Variants in CSRNP3 observed in about 807,000 individuals in gnomAD.
The protein encoded by CSRNP3 is cysteine and serine rich nuclear protein 3.
In CSRNP3, 12 loss-of-function variants were observed where a neutral mutation model predicts 48.0. The observed-to-expected ratio is 0.25, with a 90% CI of 0.16 to 0.41. CSRNP3 has a LOEUF of 0.41. CSRNP3 is among the 10% of genes least tolerant of loss of function. The probability of loss-of-function intolerance (pLI) is 1.00; values close to 1 mark genes in which losing one functional copy is unlikely to be tolerated. For synonymous variants in CSRNP3, 263 were observed against 269.7 expected (o/e 0.98, Z 0.24); for missense variants, 580 against 724.4 (o/e 0.80, Z 2.29).
intron 2 of CSRNP3, among the ~76,000 whole-genome samples, chr2:165,508,279 C>T (rs1383864077): frequency 6.6e-6 from 1 of 151,908 alleles, no homozygotes; most frequent in Non-Finnish European, 1.5e-5. Context: ...AGTAACCCTG[C>T]AATTAATTTT....
In CSRNP3 at chr2:165,666,948, GAGAGAGGA is replaced by G. The variant is rs148025654; in HGVS notation, c.408+8931_408+8938del. On this transcript the variant is annotated intron_variant, in intron 5 of 6. Coordinates refer to ENST00000651982, the MANE Select transcript of CSRNP3 (RefSeq NM_001172173.2). ...GGAAAGAGAGAAGAAGAAAGAAAGAGAGAGAGGAAGGAAGGAAGGAAGGAAAGAGAGAG... is the reference window on the plus strand; with the variant it reads ...GGAAAGAGAGAAGAAGAAAGAAAGAGAGGAAGGAAGGAAGGAAAGAGAGAG... Among the ~76,000 whole-genome samples the G allele has an allele frequency of 2.1e-3, 161 of 77,110 alleles. 5 individuals carry two copies. Among genetic ancestry groups the G allele is most frequent in the Non-Finnish European group, 3.5e-3 (100 of 28,680 alleles). The allele number at this position is 77,110 out of a possible 152,430, so 50.6% of individuals were successfully genotyped here.
intron 3 of CSRNP3, among the ~76,000 whole-genome samples, chr2:165,591,573 G>A (rs1685718042): frequency 6.6e-6 from 1 of 152,166 alleles, no homozygotes; most frequent in African/African-American, 2.4e-5. Flanking sequence ...GGTGGGCCCA[G>A]GGACCCCCTG....
chr2:165,628,145 C>T (rs1398887209), intron 4 of CSRNP3, among the ~76,000 whole-genome samples: 1 of 152,144 alleles, frequency 6.6e-6, no homozygotes, highest in Non-Finnish European at 1.5e-5. Flanking sequence ...CAAATCATAT[C>T]CAAACCTTAT....
At chr2:165,651,598 T>A (rs1294763905) in intron 4 of CSRNP3, among the ~76,000 whole-genome samples, 1 of 152,154 alleles carries the variant, frequency 6.6e-6, no homozygotes, top group African/African-American at 2.4e-5. Context: ...GCCTATATTC[T>A]TACCCTGGCA....
chr2:165,633,137 T>C (rs913438103), intron 4 of CSRNP3, among the ~76,000 whole-genome samples: 1 of 152,218 alleles, frequency 6.6e-6, no homozygotes, highest in African/African-American at 2.4e-5. Context: ...ATCTCAGTTG[T>C]TACCTGAAAA....
chr2:165,529,668 C>T (rs565085804), intron 3 of CSRNP3, among the ~76,000 whole-genome samples: 7 of 151,974 alleles, frequency 4.6e-5, no homozygotes, highest in East Asian at 3.9e-4. Flanking sequence ...TTTTTCAAAC[C>T]GGCGTGGATG....
chr2:165,597,795 T>A (rs1459148785), intron 4 of CSRNP3, among the ~76,000 whole-genome samples: 1 of 152,130 alleles, frequency 6.6e-6, no homozygotes, highest in Non-Finnish European at 1.5e-5. Flanking sequence ...AATTAACAAA[T>A]GTTTTAAAGC....
chr2:165,599,319 AAGAAAG>A (rs1332496867), intron 4 of CSRNP3, among the ~76,000 whole-genome samples: 1 of 150,420 alleles, frequency 6.6e-6, no homozygotes, highest in African/African-American at 2.4e-5. Flanking sequence ...GAAAGAAAGA[AAGAAAG>A]AAAGGAAAAG....
chr2:165,672,543 A>G (rs1393407565), intron 5 of CSRNP3, among the ~76,000 whole-genome samples: 1 of 152,160 alleles, frequency 6.6e-6, no homozygotes, highest in African/African-American at 2.4e-5. Context: ...ATTATTTCCT[A>G]CTGGGTCCCT....
intron 3 of CSRNP3, among the ~76,000 whole-genome samples, chr2:165,529,024 G>T (rs552288413): frequency 6.6e-6 from 1 of 151,400 alleles, no homozygotes; most frequent in South Asian, 2.1e-4. Context: ...CCCAAACCAC[G>T]GCTTTGGACC....
At chr2:165,634,246 G>A (rs2105328999) in intron 4 of CSRNP3, among the ~76,000 whole-genome samples, 1 of 152,100 alleles carries the variant, frequency 6.6e-6, no homozygotes, top group East Asian at 1.9e-4. Flanking sequence ...AGGCTGAGAT[G>A]GAAGAATCAT....
chr2:165,616,101 T>G (rs1279307805), intron 4 of CSRNP3, among the ~76,000 whole-genome samples: 1 of 152,058 alleles, frequency 6.6e-6, no homozygotes, highest in Non-Finnish European at 1.5e-5. Context: ...AACATATAAT[T>G]GGGTTTTGTG....
Position 165,688,534 on chromosome 2 carries a change from T to C in CSRNP3, c.*8781T>C, listed in dbSNP as rs1687667800. ...ATATGTATAATTGGTTGCATAGACA[T>C]ATGTCACTTTTTGCAGTGTCTTCAT... On this transcript the variant is annotated 3_prime_UTR_variant, in exon 7 of 7. Transcript: ENST00000651982. 1 of 152,190 alleles carries C rather than the reference T, an allele frequency of 6.6e-6. No homozygotes were observed. The highest frequency in any genetic ancestry group is 1.5e-5 in the Non-Finnish European group (1 of 68,040). 9.4% of individuals were successfully genotyped at this position (152,190 alleles called of 1,614,324 possible). A position where few individuals can be genotyped will look rare whatever the true frequency, so the allele number is the denominator to read the frequency against.
At chr2:165,520,202 G>A (rs1461195687) in intron 3 of CSRNP3, among the ~76,000 whole-genome samples, 1 of 152,102 alleles carries the variant, frequency 6.6e-6, no homozygotes, top group Non-Finnish European at 1.5e-5. Context: ...TCAATTTTGT[G>A]CAATCATTAA....
Position 165,553,614 on chromosome 2 carries a change from A to T in CSRNP3, c.-24+35653A>T, listed in dbSNP as rs184924321. ...AAAACTTCAGTTTCTCTCCGCCCTC[A>T]TCTTCATGATCTTGTTTCCCATTTC... On this transcript the variant is annotated intron_variant, in intron 3 of 6. Transcript: ENST00000651982. 1.3e-4 allele frequency among the ~76,000 whole-genome samples: 20 copies of T among 152,210 alleles called. No homozygotes were observed. In the East Asian group the frequency reaches 3.9e-3, roughly 29 times the overall value.
At chr2:165,651,325 T>C (rs1206355019) in intron 4 of CSRNP3, among the ~76,000 whole-genome samples, 1 of 152,210 alleles carries the variant, frequency 6.6e-6, no homozygotes, top group Non-Finnish European at 1.5e-5. Flanking sequence ...TTCCATACTA[T>C]ATAAACAGAT....
At position 165,594,992 on chromosome 2, in the gene CSRNP3, C is replaced by T. The variant is rs1009632149; in HGVS notation, c.-23-51C>T. The T allele has an allele frequency of 2.6e-5, 40 of 1,553,078 alleles. No individual in the cohort carries two copies. In the Admixed American group the frequency reaches 3.6e-4, roughly 14 times the overall value. On this transcript the variant is annotated intron_variant, in intron 3 of 6. Transcript: ENST00000651982. Reference sequence around the variant, plus strand: ...AATGACTCTGGAGACCTTGGCTACACGTTCAGCGGTCAAATATTTCAATGC... The same window carrying T: ...AATGACTCTGGAGACCTTGGCTACATGTTCAGCGGTCAAATATTTCAATGC...
intron 4 of CSRNP3, among the ~76,000 whole-genome samples, chr2:165,619,365 C>T (rs1299760298): frequency 6.6e-6 from 1 of 152,078 alleles, no homozygotes; most frequent in Non-Finnish European, 1.5e-5. Context: ...CCGAAAACTA[C>T]AACTATGGAG....
chr2:165,496,621 C>A (rs1684286641), intron 2 of CSRNP3, among the ~76,000 whole-genome samples: 1 of 151,952 alleles, frequency 6.6e-6, no homozygotes, highest in Non-Finnish European at 1.5e-5. Context: ...TGGGAGAGCT[C>A]TTCTTTTTCA....
Sources: allele counts gnomAD v4.1 joint callset (sites outside exome capture counted in the v4.1 genomes callset), GRCh38; gene constraint gnomAD v4.1.1; transcripts MANE v1.5; gene names NCBI Gene and HGNC (gene_info 2026-07-23, HGNC 2026-07-21).